Variants in NRG3 observed in about 807,000 individuals in gnomAD.
The protein encoded by NRG3 is pro-neuregulin-3, membrane-bound isoform.
A neutral mutation model predicts 66.9 loss-of-function variants in NRG3; 31 were observed. The ratio of observed to expected loss-of-function variants is 0.46; its 90% confidence interval spans 0.35 to 0.63. NRG3 has a LOEUF of 0.63. Ranked by LOEUF, NRG3 falls within the 20% of genes least tolerant of loss-of-function variation. The probability of loss-of-function intolerance (pLI) is 0.00; values close to 1 mark genes in which losing one functional copy is unlikely to be tolerated. For synonymous variants in NRG3, 393 were observed against 359.4 expected (o/e 1.09, Z -1.06); for missense variants, 910 against 878.9 (o/e 1.04, Z -0.45).
intron 1 of NRG3, among the ~76,000 whole-genome samples, chr10:82,252,623 CTTT>C (rs935989376): frequency 1.3e-5 from 2 of 151,574 alleles, no homozygotes; most frequent in African/African-American, 4.9e-5. Context: ...TTTGGATTCA[CTTT>C]TTTTTTCTAT....
chr10:82,325,836 A>G (rs1431779382), intron 1 of NRG3, among the ~76,000 whole-genome samples: 1 of 152,200 alleles, frequency 6.6e-6, no homozygotes, highest in Admixed American at 6.5e-5. Flanking sequence ...GTTATCAAAC[A>G]TTGTATATAC....
chr10:82,767,743 A>T (rs1239111387), intron 3 of NRG3, among the ~76,000 whole-genome samples: 2 of 151,992 alleles, frequency 1.3e-5, no homozygotes, highest in Non-Finnish European at 2.9e-5. Context: ...TGTAAATTCC[A>T]AGATATCAGA....
intron 1 of NRG3, among the ~76,000 whole-genome samples, chr10:82,030,057 C>T (rs542496738): frequency 2.2e-4 from 33 of 152,196 alleles, no homozygotes; most frequent in African/African-American, 7.9e-4. Flanking sequence ...ACAGGATTTA[C>T]AGTTACATTA....
intron 3 of NRG3, among the ~76,000 whole-genome samples, chr10:82,842,926 G>A (rs1054454515): frequency 2.0e-5 from 3 of 152,138 alleles, no homozygotes; most frequent in Non-Finnish European, 4.4e-5. Context: ...CTATGATAAA[G>A]TTAATTTATA....
rs772528913 is a variant in NRG3 at position 81,876,163 on chromosome 10, C to T, written c.823C>T (p.His275Tyr). 6.4e-7 allele frequency: 1 copy of T among 1,574,464 alleles called. No homozygotes were observed. Among genetic ancestry groups the T allele is most frequent in the Non-Finnish European group, 8.6e-7 (1 of 1,160,078 alleles). ...AGAAACTAGCACCAGCCCCAAATTT[C>T]GTAAGTAAACACTGTGTCTCAACTA... ...TPETSTSPKF[H>Y]TTTYSTERSE... Residue 275 changes from histidine (H) to tyrosine (Y), a missense_variant and splice_region_variant, in exon 1 of 9, where the codon CAT (histidine) becomes TAT (tyrosine). Transcript: ENST00000372141.
intron 1 of NRG3, among the ~76,000 whole-genome samples, chr10:82,332,183 T>C (rs775499094): frequency 2.0e-5 from 3 of 152,188 alleles, no homozygotes. Flanking sequence ...GGAACTGCTT[T>C]GCTGTGAAAT....
intron 2 of NRG3, among the ~76,000 whole-genome samples, chr10:82,600,315 T>C (rs1179318225): frequency 6.6e-6 from 1 of 152,174 alleles, no homozygotes; most frequent in Non-Finnish European, 1.5e-5. Context: ...CATATTAACA[T>C]GTATAAATTC....
chr10:82,725,601 A>T (rs1419904012), intron 2 of NRG3, among the ~76,000 whole-genome samples: 1 of 152,194 alleles, frequency 6.6e-6, no homozygotes, highest in Admixed American at 6.5e-5. Flanking sequence ...GACTATTCAG[A>T]TTATTGTATT....
intron 1 of NRG3, among the ~76,000 whole-genome samples, chr10:82,055,759 AGGG>A: frequency 6.6e-6 from 1 of 152,260 alleles, no homozygotes; most frequent in African/African-American, 2.4e-5. Context: ...AAGAAAGAGA[AGGG>A]GAGTTAATAT....
At chr10:81,946,298 T>G (rs531687067) in intron 1 of NRG3, among the ~76,000 whole-genome samples, 2 of 152,294 alleles carry the variant, frequency 1.3e-5, no homozygotes, top group Non-Finnish European at 2.9e-5. Context: ...ATTACAGGCA[T>G]ACGCCCAGCC....
intron 1 of NRG3, among the ~76,000 whole-genome samples, chr10:82,144,077 A>G (rs2070046196): frequency 6.6e-6 from 1 of 151,640 alleles, no homozygotes; most frequent in East Asian, 1.9e-4. Flanking sequence ...AAGAAAGGGC[A>G]TTTACTTGGA....
intron 1 of NRG3, among the ~76,000 whole-genome samples, chr10:82,047,438 A>C (rs2063353935): frequency 6.6e-6 from 1 of 152,094 alleles, no homozygotes; most frequent in African/African-American, 2.4e-5. Context: ...AGAGTGGGGG[A>C]CAATATTCAA....
At chr10:82,217,901 A>C (rs2075765967) in intron 1 of NRG3, among the ~76,000 whole-genome samples, 1 of 152,184 alleles carries the variant, frequency 6.6e-6, no homozygotes, top group South Asian at 2.1e-4. Context: ...ATCTTATTTT[A>C]CTTTCTTAAT....
intron 1 of NRG3, among the ~76,000 whole-genome samples, chr10:82,079,159 C>T (rs1400134283): frequency 1.3e-5 from 2 of 151,812 alleles, no homozygotes; most frequent in Non-Finnish European, 2.9e-5. Context: ...ATTCTTCTGC[C>T]TCAGCCTCCC....
At chr10:82,749,828 C>T (rs1591402380) in intron 3 of NRG3, among the ~76,000 whole-genome samples, 2 of 151,040 alleles carry the variant, frequency 1.3e-5, no homozygotes, top group East Asian at 3.9e-4. Flanking sequence ...GCCAAGACTA[C>T]CCGAAGATTA....
intron 1 of NRG3, among the ~76,000 whole-genome samples, chr10:82,022,914 TTTA>T (rs2062126756): frequency 6.6e-6 from 1 of 150,842 alleles, no homozygotes; most frequent in Non-Finnish European, 1.5e-5. Context: ...TCAATTTTGA[TTTA>T]TTATATATAA....
At chr10:82,389,186 G>A (rs895250055) in intron 2 of NRG3, among the ~76,000 whole-genome samples, 1 of 152,158 alleles carries the variant, frequency 6.6e-6, no homozygotes, top group Non-Finnish European at 1.5e-5. Flanking sequence ...GTAATTAAGT[G>A]ACTTGCCACA....
At chr10:82,740,709 A>T (rs1048054714) in intron 3 of NRG3, among the ~76,000 whole-genome samples, 2 of 149,628 alleles carry the variant, frequency 1.3e-5, no homozygotes, top group African/African-American at 5.0e-5. Context: ...CTGTAGTCTC[A>T]GCTACCTCTG....
intron 1 of NRG3, among the ~76,000 whole-genome samples, chr10:82,202,170 T>A (rs1322640627): frequency 6.6e-6 from 1 of 152,154 alleles, no homozygotes; most frequent in Non-Finnish European, 1.5e-5. Flanking sequence ...CAATTCTGTC[T>A]CCTCCCAGAG....
Sources: allele counts gnomAD v4.1 joint callset (sites outside exome capture counted in the v4.1 genomes callset), GRCh38; gene constraint gnomAD v4.1.1; transcripts MANE v1.5; gene names NCBI Gene and HGNC (gene_info 2026-07-23, HGNC 2026-07-21).